FILIP1: variants seen among roughly 807,000 people sequenced by gnomAD.
FILIP1 encodes filamin-A-interacting protein 1.
Under a neutral mutation model 102.1 loss-of-function variants are expected in FILIP1, and 61 were observed. The observed-to-expected ratio is 0.60, with a 90% CI of 0.49 to 0.74. The LOEUF (loss-of-function observed/expected upper bound fraction) is 0.74. Among genes scored for constraint, FILIP1 ranks in the 30% least tolerant of loss-of-function variants. FILIP1 has a pLI of 0.00. For missense variants in FILIP1, 1,314 were observed against 1,441.2 expected, an observed-to-expected ratio of 0.91 and a Z score of 1.43; for synonymous variants, 491 against 526.9, an observed-to-expected ratio of 0.93 and a Z score of 0.93.
chr6:75,320,683 C>T (rs1773622536), intron 4 of FILIP1, among the ~76,000 whole-genome samples: 1 of 152,158 alleles, frequency 6.6e-6, no homozygotes, highest in Non-Finnish European at 1.5e-5. Context: ...TTTTGTTAAA[C>T]AGATATTGCA....
Position 75,413,114 on chromosome 6 carries a change from T to C in FILIP1, c.276+1583A>G, listed in dbSNP as rs60632508. Among the ~76,000 whole-genome samples the C allele has an allele frequency of 3.7e-3, 560 of 152,290 alleles. 1 individual carries two copies. The highest frequency in any genetic ancestry group is 0.013 in the African/African-American group (537 of 41,568). ...ACATAAAAACCACATGAATCTTAAA[T>C]ACTTTCCAGAGTTCACCATGATGTA... is the stretch of plus-strand genomic sequence containing the variant. On this transcript the variant is annotated intron_variant, in intron 2 of 5. Coordinates refer to ENST00000237172, the MANE Select transcript of FILIP1 (RefSeq NM_015687.5).
intron 6 of FILIP1, among the ~76,000 whole-genome samples, chr6:75,298,974 A>T (rs1772760381): frequency 6.6e-6 from 1 of 152,038 alleles, no homozygotes; most frequent in South Asian, 2.1e-4. Flanking sequence ...ATACAGCAAA[A>T]CTGTCTGAGG....
intron 6 of FILIP1, among the ~76,000 whole-genome samples, chr6:75,297,195 A>G (rs1582300534): frequency 6.6e-6 from 1 of 152,144 alleles, no homozygotes; most frequent in South Asian, 2.1e-4. Context: ...TTATTTTCAC[A>G]TCCATCCCAA....
In FILIP1 at chr6:75,466,460, C is replaced by G. The variant is rs571081912; in HGVS notation, c.-7+26954G>C. On this transcript the variant is annotated intron_variant, in intron 1 of 5. Transcript: ENST00000237172. ...TCAAATAGTGGGAATTAACTGCTAG[C>G]TTCATTCATGTATCCATTCATCAAC... is the stretch of plus-strand genomic sequence containing the variant. Among the ~76,000 whole-genome samples, 63 of 152,194 alleles carry G rather than the reference C, an allele frequency of 4.1e-4. 1 individual carries two copies. Among genetic ancestry groups the G allele is most frequent in the Non-Finnish European group, 8.2e-4 (56 of 68,030 alleles).
intron 2 of FILIP1, among the ~76,000 whole-genome samples, chr6:75,391,181 C>A (rs55845229): frequency 6.6e-6 from 1 of 151,898 alleles, no homozygotes; most frequent in Non-Finnish European, 1.5e-5. Flanking sequence ...TCCTTCCATG[C>A]GCTCATTTTC....
chr6:75,348,760 T>C (rs1337547621), intron 4 of FILIP1, among the ~76,000 whole-genome samples: 2 of 152,342 alleles, frequency 1.3e-5, no homozygotes, highest in East Asian at 3.9e-4. Context: ...GCAAGCTAAG[T>C]AAAACACTGT....
At chr6:75,465,436 T>G in intron 1 of FILIP1, 1 of 824,746 alleles carries the variant, frequency 1.2e-6, no homozygotes, top group Admixed American at 2.2e-5. Context: ...CCCATTTCAC[T>G]GACCCATATC....
intron 2 of FILIP1, among the ~76,000 whole-genome samples, chr6:75,408,872 C>T (rs1475105428): frequency 1.3e-5 from 2 of 152,198 alleles, no homozygotes; most frequent in Non-Finnish European, 2.9e-5. Context: ...CCAGAAGACA[C>T]CATCCTTAGA....
At chr6:75,311,495 G>GT (rs1410440989) in intron 5 of FILIP1, among the ~76,000 whole-genome samples, 1 of 147,564 alleles carries the variant, frequency 6.8e-6, no homozygotes, top group Admixed American at 6.8e-5. Flanking sequence ...TTGTTTGTTT[G>GT]TTTGTTTGCT....
At chr6:75,433,501 T>A (rs200324978) in intron 1 of FILIP1, among the ~76,000 whole-genome samples, 30,982 of 152,180 alleles carry the variant, frequency 0.2, 3,151 homozygotes, top group South Asian at 0.23. Context: ...GTTCATATCC[T>A]TTGCCCACTT....
At chr6:75,356,824 C>T (rs1230479152) in intron 3 of FILIP1, among the ~76,000 whole-genome samples, 1 of 152,192 alleles carries the variant, frequency 6.6e-6, no homozygotes. Context: ...ATTGTAATAG[C>T]TCCATTCTCT....
chr6:75,363,296 G>T (rs1234882817), intron 2 of FILIP1, among the ~76,000 whole-genome samples: 1 of 152,078 alleles, frequency 6.6e-6, no homozygotes, highest in Non-Finnish European at 1.5e-5. Context: ...GTTTTCTATT[G>T]ATGTTCTCAA....
chr6:75,457,375 G>C (rs1398676654), intron 1 of FILIP1, among the ~76,000 whole-genome samples: 1 of 152,176 alleles, frequency 6.6e-6, no homozygotes, highest in Non-Finnish European at 1.5e-5. Context: ...CAAGAGCTTA[G>C]GGTAGAAAGG....
chr6:75,300,528 T>C (rs1772810991), intron 6 of FILIP1, among the ~76,000 whole-genome samples: 2 of 152,250 alleles, frequency 1.3e-5, no homozygotes, highest in Non-Finnish European at 2.9e-5. Context: ...AGTACTTAGA[T>C]ATGATTTACT....
intron 2 of FILIP1, among the ~76,000 whole-genome samples, chr6:75,391,050 C>T (rs1360232263): frequency 6.6e-6 from 1 of 152,036 alleles, no homozygotes; most frequent in African/African-American, 2.4e-5. Context: ...TTTCAGGTCT[C>T]CAACATCATC....
intron 4 of FILIP1, 111 bp downstream of exon 4, chr6:75,353,428 T>C (rs1774877476): frequency 4.4e-6 from 5 of 1,132,350 alleles, no homozygotes; most frequent in Non-Finnish European, 6.3e-6. Context: ...CATTAGACCC[T>C]GGGCACCTGT....
At chr6:75,370,211 T>A (rs952665901) in intron 2 of FILIP1, among the ~76,000 whole-genome samples, 1 of 152,210 alleles carries the variant, frequency 6.6e-6, no homozygotes, top group African/African-American at 2.4e-5. Context: ...GTGATTGCTT[T>A]CCCATTCTGC....
chr6:75,465,571 TAA>T (rs36072505), intron 1 of FILIP1: 872 of 411,600 alleles, frequency 2.1e-3, no homozygotes, highest in South Asian at 3.8e-3. Flanking sequence ...TCACAGCAAT[TAA>T]AAAAAAAAAC....
chr6:75,469,734 C>T (rs1779276910), intron 1 of FILIP1, among the ~76,000 whole-genome samples: 1 of 151,932 alleles, frequency 6.6e-6, no homozygotes, highest in Non-Finnish European at 1.5e-5. Flanking sequence ...AGGTTTATCC[C>T]AGGAATACAA....
Sources: gnomAD v4.1 joint callset for allele counts (sites outside exome capture counted in the v4.1 genomes callset) on GRCh38, gnomAD v4.1.1 for gene constraint, MANE v1.5 for transcripts, NCBI Gene and HGNC (gene_info 2026-07-23, HGNC 2026-07-21) for gene names.